Variants in CTNND2 observed in about 807,000 individuals in gnomAD.
CTNND2 encodes the protein catenin delta-2.
In CTNND2, 22 loss-of-function variants were observed where a neutral mutation model predicts 144.4. That is an observed-to-expected ratio of 0.15 (90% CI 0.11 to 0.22). The LOEUF (loss-of-function observed/expected upper bound fraction) is 0.22. Among genes scored for constraint, CTNND2 ranks in the 10% least tolerant of loss-of-function variants. The probability of loss-of-function intolerance (pLI) is 1.00; values close to 1 mark genes in which losing one functional copy is unlikely to be tolerated. For missense variants in CTNND2, 1,353 were observed against 1,618.8 expected (o/e 0.84, Z 2.82); for synonymous variants, 751 against 695.6 (o/e 1.08, Z -1.25).
chr5:11,416,590 G>T (rs555189466), intron 3 of CTNND2, among the ~76,000 whole-genome samples: 1 of 152,192 alleles, frequency 6.6e-6, no homozygotes, highest in African/African-American at 2.4e-5. Context: ...TTGCTCTAAG[G>T]TAGATGCTTT....
intron 11 of CTNND2, among the ~76,000 whole-genome samples, chr5:11,171,312 TA>T (rs1295294198): frequency 2.0e-4 from 30 of 152,190 alleles, no homozygotes; most frequent in African/African-American, 6.8e-4. Flanking sequence ...AGCTGGGGTA[TA>T]AACACAGGCT....
At chr5:11,718,098 G>C (rs1014477930) in intron 2 of CTNND2, among the ~76,000 whole-genome samples, 1 of 152,104 alleles carries the variant, frequency 6.6e-6, no homozygotes. Flanking sequence ...TGTTACTCAT[G>C]ATCAATTAAT....
intron 10 of CTNND2, among the ~76,000 whole-genome samples, chr5:11,231,443 G>A (rs1741005569): frequency 6.6e-6 from 1 of 152,186 alleles, no homozygotes. Flanking sequence ...ATATGGACAA[G>A]GAAGTCCAGG....
chr5:11,271,685 A>G (rs1271313391), intron 9 of CTNND2, among the ~76,000 whole-genome samples: 1 of 152,184 alleles, frequency 6.6e-6, no homozygotes, highest in African/African-American at 2.4e-5. Context: ...ATACGCTGCA[A>G]AGGATTATGT....
At chr5:11,088,361 T>C (rs1430672342) in intron 15 of CTNND2, among the ~76,000 whole-genome samples, 1 of 152,148 alleles carries the variant, frequency 6.6e-6, no homozygotes, top group African/African-American at 2.4e-5. Flanking sequence ...AGAGTGGTGG[T>C]TGAGAGGTGC....
intron 7 of CTNND2, among the ~76,000 whole-genome samples, chr5:11,380,535 C>T (rs1164988458): frequency 6.6e-6 from 1 of 152,176 alleles, no homozygotes; most frequent in African/African-American, 2.4e-5. Flanking sequence ...GTTGGCTTTC[C>T]ACTCAGGTAG....
At chr5:11,488,545 A>C (rs188148151) in intron 3 of CTNND2, among the ~76,000 whole-genome samples, 2 of 152,216 alleles carry the variant, frequency 1.3e-5, no homozygotes, top group Non-Finnish European at 2.9e-5. Flanking sequence ...CTTAAGTAAA[A>C]ACATGATTGA....
chr5:11,190,092 A>G (rs957996555), intron 11 of CTNND2, among the ~76,000 whole-genome samples: 5 of 152,230 alleles, frequency 3.3e-5, no homozygotes, highest in African/African-American at 1.2e-4. Context: ...TGGTTAGGAG[A>G]TGACTTGCCA....
chr5:11,132,147 T>C (rs1437380991), intron 12 of CTNND2, among the ~76,000 whole-genome samples: 1 of 152,134 alleles, frequency 6.6e-6, no homozygotes, highest in Non-Finnish European at 1.5e-5. Flanking sequence ...TAAAATATTG[T>C]TTTATTGTGG....
intron 9 of CTNND2, among the ~76,000 whole-genome samples, chr5:11,319,884 A>G (rs1751864971): frequency 6.6e-6 from 1 of 152,152 alleles, no homozygotes; most frequent in African/African-American, 2.4e-5. Flanking sequence ...TCTTCAGCTG[A>G]TGATCAGAAT....
At chr5:11,319,135 A>C (rs1751792333) in intron 9 of CTNND2, among the ~76,000 whole-genome samples, 1 of 152,044 alleles carries the variant, frequency 6.6e-6, no homozygotes, top group Admixed American at 6.6e-5. Context: ...CACACCTCTC[A>C]TTCCCAATCT....
rs1781693830 is a variant in CTNND2 at position 11,636,156 on chromosome 5, G to GT, written c.175-71101dup. Among the ~76,000 whole-genome samples the GT allele has an allele frequency of 4.0e-5, 6 of 151,672 alleles. No individual in the cohort carries two copies. The South Asian group carries it at 1.2e-3, about 32-fold the overall frequency. ...TAAACAATCCTAGGAGACATGAGCT[G>GT]TTTATTTTGTATATTGTACTTCTAA... On this transcript the variant is annotated intron_variant, in intron 2 of 21. Transcript: ENST00000304623.
chr5:11,756,619 C>T (rs1301312545), intron 1 of CTNND2, among the ~76,000 whole-genome samples: 3 of 139,116 alleles, frequency 2.2e-5, no homozygotes, highest in African/African-American at 8.1e-5. Flanking sequence ...CATCCACATC[C>T]ACACAAATCG....
At chr5:11,319,769 C>A (rs1288448668) in intron 9 of CTNND2, among the ~76,000 whole-genome samples, 2 of 152,224 alleles carry the variant, frequency 1.3e-5, no homozygotes, top group African/African-American at 4.8e-5. Context: ...GATCCACCAG[C>A]CTCGGCCTCC....
rs1016992246 is a variant in CTNND2 at position 11,826,126 on chromosome 5, A to T, written c.37+77691T>A. On this transcript the variant is annotated intron_variant, in intron 1 of 21. Coordinates refer to ENST00000304623, the MANE Select transcript of CTNND2 (RefSeq NM_001332.4). The stretch of plus-strand genomic sequence containing the variant: ...TAAAATTTTTTAATCATTTAAAAAC[A>T]TAACGTTGACATAAGCAAAAATAAT... Among the ~76,000 whole-genome samples, 4 of 152,166 alleles carry T rather than the reference A, an allele frequency of 2.6e-5. No individual in the cohort carries two copies. In the East Asian group the frequency reaches 7.7e-4, roughly 29 times the overall value.
intron 12 of CTNND2, among the ~76,000 whole-genome samples, chr5:11,125,954 GTC>G (rs1425463926): frequency 2.0e-5 from 3 of 152,142 alleles, no homozygotes; most frequent in Non-Finnish European, 2.9e-5. Flanking sequence ...GTTTATCTCT[GTC>G]TCTGTTCATG....
At chr5:10,978,674 C>T (rs139848404) in intron 21 of CTNND2, among the ~76,000 whole-genome samples, 1 of 152,292 alleles carries the variant, frequency 6.6e-6, no homozygotes, top group East Asian at 1.9e-4. Context: ...TCGGTCCTGA[C>T]GAGAGATGCG....
intron 1 of CTNND2, among the ~76,000 whole-genome samples, chr5:11,888,673 A>ATGATCCTCC (rs1364475759): frequency 6.6e-6 from 1 of 151,866 alleles, no homozygotes; most frequent in Non-Finnish European, 1.5e-5. Flanking sequence ...GAAATTTCAC[A>ATGATCCTCC]TGATCCTCCT....
At chr5:11,256,930 C>T (rs955409252) in intron 9 of CTNND2, among the ~76,000 whole-genome samples, 2 of 152,052 alleles carry the variant, frequency 1.3e-5, no homozygotes, top group Non-Finnish European at 2.9e-5. Flanking sequence ...CAATTAAATG[C>T]TAATAGCACC....
Sources: gnomAD v4.1 joint callset for allele counts (sites outside exome capture counted in the v4.1 genomes callset) on GRCh38, gnomAD v4.1.1 for gene constraint, MANE v1.5 for transcripts, NCBI Gene and HGNC (gene_info 2026-07-23, HGNC 2026-07-21) for gene names.